EPB41L2: variants seen among roughly 807,000 people sequenced by gnomAD.
EPB41L2 encodes the protein erythrocyte membrane protein band 4.1 like 2.
EPB41L2 carries 43 observed loss-of-function variants against 113.0 expected under a neutral mutation model. That is an observed-to-expected ratio of 0.38 (90% CI 0.30 to 0.49). The LOEUF is 0.49. EPB41L2 is among the 20% of genes least tolerant of loss of function. The pLI is 0.95. For synonymous variants in EPB41L2, 442 were observed against 436.7 expected (o/e 1.01, Z -0.15); for missense variants, 1,147 against 1,223.4 (o/e 0.94, Z 0.93).
At chr6:131,012,428 C>T (rs1430088351) in intron 1 of EPB41L2, among the ~76,000 whole-genome samples, 1 of 145,700 alleles carries the variant, frequency 6.9e-6, no homozygotes, top group Non-Finnish European at 1.5e-5. Context: ...ATACCACTAG[C>T]ACACCTTCAA....
intron 1 of EPB41L2, among the ~76,000 whole-genome samples, chr6:131,006,201 C>T (rs1342599889): frequency 6.6e-6 from 1 of 151,722 alleles, no homozygotes; most frequent in African/African-American, 2.4e-5. Flanking sequence ...GGATTACAGG[C>T]ACCCACCACC....
At position 130,961,991 on chromosome 6, in the gene EPB41L2, C is replaced by T. The variant is rs968256306; in HGVS notation, c.-14-5492G>A. Among the ~76,000 whole-genome samples, 8 of 152,140 alleles carry T rather than the reference C, an allele frequency of 5.3e-5. No homozygotes were observed. In the South Asian group the frequency reaches 6.2e-4, roughly 12 times the overall value. ...AGACAGTTCTGGCCATTTTCTACAT[C>T]GGATAAAACTAGTTTTCATCTGCTT... On this transcript the variant is annotated intron_variant, in intron 1 of 19. Coordinates refer to ENST00000337057, the MANE Select transcript of EPB41L2 (RefSeq NM_001431.4).
chr6:130,970,161 CCT>C (rs1383061446), intron 1 of EPB41L2: 2 of 152,170 alleles, frequency 1.3e-5, no homozygotes, highest in Non-Finnish European at 2.9e-5. Context: ...TTTTCAGTCC[CCT>C]GACTAGTCAC....
chr6:131,055,150 G>A (rs936762330), intron 1 of EPB41L2, among the ~76,000 whole-genome samples: 2 of 152,100 alleles, frequency 1.3e-5, no homozygotes, highest in African/African-American at 4.8e-5. Context: ...TGTCAAGAAG[G>A]GAGCTAGGGC....
At chr6:130,939,300 C>CTGGA (rs1809964806) in intron 3 of EPB41L2, among the ~76,000 whole-genome samples, 1 of 151,890 alleles carries the variant, frequency 6.6e-6, no homozygotes, top group Non-Finnish European at 1.5e-5. Context: ...ATCACCCAGG[C>CTGGA]TGGAGTGCAG....
Position 131,058,169 on chromosome 6 carries a change from T to G in EPB41L2, c.-15+4986A>C, listed in dbSNP as rs1053578718. 9.3e-5 allele frequency among the ~76,000 whole-genome samples: 14 copies of G among 151,228 alleles called. No individual in the cohort carries two copies. The East Asian group carries it at 2.5e-3, about 27-fold the overall frequency. On this transcript the variant is annotated intron_variant, in intron 1 of 19. Transcript: ENST00000337057. ...AACATGTTTCCATTTTAAAGATAACTGAGAATATGAAATTAGCTCAATTGC... is the reference window on the plus strand; with the variant it reads ...AACATGTTTCCATTTTAAAGATAACGGAGAATATGAAATTAGCTCAATTGC...
At chr6:130,892,640 T>C (rs1470313347) in intron 10 of EPB41L2, among the ~76,000 whole-genome samples, 1 of 138,658 alleles carries the variant, frequency 7.2e-6, no homozygotes, top group African/African-American at 2.5e-5. Flanking sequence ...AAAATTAACA[T>C]ATTAGTCTTG....
chr6:131,038,871 C>CT (rs1279705260), intron 1 of EPB41L2, among the ~76,000 whole-genome samples: 1 of 152,166 alleles, frequency 6.6e-6, no homozygotes, highest in Non-Finnish European at 1.5e-5. Context: ...AAGGATAAAA[C>CT]TGAGCCACAT....
chr6:131,016,477 AACACACAC>A lies in EPB41L2; in HGVS notation c.-15+46670_-15+46677del, dbSNP rs10584309. Reference sequence around the variant, plus strand: ...ATATTTATTAAGCATTTAATAAGGAAACACACACACACACACACACACACACACACACA... The same window carrying A: ...ATATTTATTAAGCATTTAATAAGGAAACACACACACACACACACACACACA... On this transcript the variant is annotated intron_variant, in intron 1 of 19. Coordinates refer to ENST00000337057, the MANE Select transcript of EPB41L2 (RefSeq NM_001431.4). Among the ~76,000 whole-genome samples, 1,297 of 143,528 alleles carry A rather than the reference AACACACAC, an allele frequency of 9.0e-3. 18 individuals are homozygous for A. Among genetic ancestry groups the A allele is most frequent in the African/African-American group, 0.026 (1,009 of 39,024 alleles). 94.2% of individuals were successfully genotyped at this position (143,528 alleles called of 152,430 possible).
rs778365462 is a variant in EPB41L2 at position 130,870,120 on chromosome 6, G to A, written c.2050C>T (p.His684Tyr). Residue 684 changes from histidine to tyrosine, a missense_variant, in exon 15 of 20, where the codon CAT becomes TAT. By Grantham distance (83) the His-to-Tyr change is moderately conservative. Coordinates refer to ENST00000337057, the MANE Select transcript of EPB41L2 (RefSeq NM_001431.4). ...TCCTCCACTATATTCAGAGTCTCATGTGAACTCTGTACAAAAAAAGATGGA... is the reference window on the plus strand; with the variant it reads ...TCCTCCACTATATTCAGAGTCTCATATGAACTCTGTACAAAAAAAGATGGA... ...PLSLQTQGSSHETLNIVEEKK... is the reference protein window; with the variant it reads ...PLSLQTQGSSYETLNIVEEKK... 4.4e-6 allele frequency: 7 copies of A among 1,600,528 alleles called. No homozygotes were observed. The East Asian group carries it at 1.1e-4, about 26-fold the overall frequency.
Position 131,030,166 on chromosome 6 carries a change from C to G in EPB41L2, c.-15+32989G>C, listed in dbSNP as rs4142572. 0.012 allele frequency among the ~76,000 whole-genome samples: 1,790 copies of G among 152,248 alleles called. 192 individuals carry two copies. The East Asian group carries it at 0.27, about 23-fold the overall frequency. On this transcript the variant is annotated intron_variant, in intron 1 of 19. Transcript: ENST00000337057. Reference sequence around the variant, plus strand: ...GCTCAAGAATAAAGTCGGCAAGAGGCAAAGGCAGTGTGACTGCAGGGCCTG... The same window carrying G: ...GCTCAAGAATAAAGTCGGCAAGAGGGAAAGGCAGTGTGACTGCAGGGCCTG...
intron 3 of EPB41L2, among the ~76,000 whole-genome samples, chr6:130,936,228 A>C (rs919420544): frequency 4.6e-5 from 7 of 152,236 alleles, no homozygotes; most frequent in African/African-American, 1.7e-4. Flanking sequence ...CAGCTGCTAA[A>C]TAGCCTGCTA....
intron 1 of EPB41L2, among the ~76,000 whole-genome samples, chr6:130,966,797 G>A (rs545186117): frequency 2.0e-4 from 31 of 152,258 alleles, no homozygotes; most frequent in Admixed American, 2.0e-3. Flanking sequence ...CACAAGCCAC[G>A]ATGCCAATTT....
chr6:130,940,586 C>T (rs764503901), intron 3 of EPB41L2, among the ~76,000 whole-genome samples: 6 of 151,892 alleles, frequency 4.0e-5, no homozygotes, highest in Non-Finnish European at 8.8e-5. Context: ...GTGCCTCAGC[C>T]TCCCAAGTAG....
intron 15 of EPB41L2, chr6:130,868,533 A>G (rs1784637182): frequency 6.6e-6 from 1 of 152,240 alleles, no homozygotes; most frequent in African/African-American, 2.4e-5. Context: ...TTAAATACAG[A>G]ATAGTTCAAA....
intron 1 of EPB41L2, among the ~76,000 whole-genome samples, chr6:130,980,777 C>T (rs1779223975): frequency 6.6e-6 from 1 of 152,102 alleles, no homozygotes; most frequent in African/African-American, 2.4e-5. Flanking sequence ...AAGGGGTAGG[C>T]ATGATAAGGA....
intron 1 of EPB41L2, among the ~76,000 whole-genome samples, chr6:131,048,151 A>AAAAG (rs1795842521): frequency 7.4e-6 from 1 of 134,440 alleles, no homozygotes; most frequent in Admixed American, 7.7e-5. Flanking sequence ...AAAAAAAAAA[A>AAAAG]AAAAAAGAAA....
chr6:130,942,807 T>C (rs1811330631), intron 3 of EPB41L2, among the ~76,000 whole-genome samples: 1 of 152,218 alleles, frequency 6.6e-6, no homozygotes, highest in African/African-American at 2.4e-5. Flanking sequence ...TGTGTCCATG[T>C]GTTCTCATTG....
At chr6:130,929,857 T>TCACACGCACA (rs1806130176) in intron 3 of EPB41L2, among the ~76,000 whole-genome samples, 1 of 123,372 alleles carries the variant, frequency 8.1e-6, no homozygotes, top group African/African-American at 2.9e-5. Context: ...AGACAGACAG[T>TCACACGCACA]CACACACACA....
Sources: gnomAD v4.1 joint callset for allele counts (sites outside exome capture counted in the v4.1 genomes callset) on GRCh38, gnomAD v4.1.1 for gene constraint, MANE v1.5 for transcripts, NCBI Gene and HGNC (gene_info 2026-07-23, HGNC 2026-07-21) for gene names.